The following ERBB4 variants were observed in gnomAD, a reference collection of about 807,000 sequenced individuals.
The protein encoded by ERBB4 is receptor tyrosine-protein kinase erbB-4.
A neutral mutation model predicts 158.0 loss-of-function variants in ERBB4; 42 were observed. The ratio of observed to expected loss-of-function variants is 0.27; its 90% CI spans 0.21 to 0.34. The LOEUF is 0.34. Ranked by LOEUF, ERBB4 falls within the 10% of genes least tolerant of loss-of-function variation. ERBB4 has a pLI of 1.00. For synonymous variants in ERBB4, 583 were observed against 558.7 expected, an observed-to-expected ratio of 1.04 and a Z score of -0.61; for missense variants, 1,333 against 1,624.1, an observed-to-expected ratio of 0.82 and a Z score of 3.08.
At chr2:211,878,820 A>C (rs2078585745) in intron 3 of ERBB4, among the ~76,000 whole-genome samples, 1 of 152,058 alleles carries the variant, frequency 6.6e-6, no homozygotes, top group Non-Finnish European at 1.5e-5. Context: ...AATTTTAAGT[A>C]GAAAAAAACA....
At chr2:211,989,832 A>T (rs562565604) in intron 2 of ERBB4, among the ~76,000 whole-genome samples, 25 of 152,116 alleles carry the variant, frequency 1.6e-4, no homozygotes, top group Non-Finnish European at 1.5e-5. Context: ...TCCTAACTCC[A>T]CCCATGTCTT....
chr2:212,335,487 A>G (rs2088390765), intron 1 of ERBB4, among the ~76,000 whole-genome samples: 1 of 151,994 alleles, frequency 6.6e-6, no homozygotes, highest in Admixed American at 6.6e-5. Flanking sequence ...CAAGTCATTC[A>G]GGAAGAGTGA....
Position 211,562,019 on chromosome 2 carries a change from T to G in ERBB4, c.2371A>C (p.Thr791Pro). The G allele has an allele frequency of 1.2e-6, 2 of 1,614,152 alleles. No individual in the cohort carries two copies. Among genetic ancestry groups the G allele is most frequent in the Non-Finnish European group, 1.7e-6 (2 of 1,180,028 alleles). Residue 791 changes from threonine to proline, a missense_variant, in exon 20 of 28, where the codon ACC (threonine) becomes CCC (proline). Around this residue, in one of 5 missense-constraint regions of ERBB4, gnomAD observed 314 missense variants for 437.6 expected, o/e 0.72. Coordinates refer to ENST00000342788, the MANE Select transcript of ERBB4 (RefSeq NM_005235.3). The part of the protein sequence containing the change: ...VRLLGVCLSP[T>P]IQLVTQLMPH... The stretch of plus-strand genomic sequence containing the variant: ...ATAAGTTGAGTAACCAGCTGGATGG[T>G]TGGGCTCAGACACACACCCAGCAAC...
chr2:212,417,524 T>C (rs2091685355), intron 1 of ERBB4, among the ~76,000 whole-genome samples: 1 of 152,022 alleles, frequency 6.6e-6, no homozygotes, highest in Non-Finnish European at 1.5e-5. Flanking sequence ...ACTAAAATTG[T>C]CTACTGACTC....
At chr2:211,738,853 C>T (rs2074697104) in intron 5 of ERBB4, among the ~76,000 whole-genome samples, 1 of 149,216 alleles carries the variant, frequency 6.7e-6, no homozygotes, top group African/African-American at 2.5e-5. Flanking sequence ...TTTTAGTAGA[C>T]AGGTCAAACT....
intron 19 of ERBB4, among the ~76,000 whole-genome samples, chr2:211,589,302 T>C (rs182408798): frequency 3.2e-4 from 48 of 152,300 alleles, no homozygotes; most frequent in African/African-American, 1.2e-3. Context: ...TATTTTTTAA[T>C]TAAAATGCAG....
intron 19 of ERBB4, among the ~76,000 whole-genome samples, chr2:211,580,539 A>G (rs2068036429): frequency 6.6e-6 from 1 of 151,812 alleles, no homozygotes; most frequent in Non-Finnish European, 1.5e-5. Flanking sequence ...GAACACTTCT[A>G]CACTGCTGGT....
At chr2:211,881,569 C>A (rs1359731989) in intron 3 of ERBB4, among the ~76,000 whole-genome samples, 3 of 138,646 alleles carry the variant, frequency 2.2e-5, no homozygotes, top group African/African-American at 8.5e-5. Context: ...AGTCAGAGAA[C>A]CTGCCTGCAT....
chr2:212,043,637 T>C (rs1226413217), intron 2 of ERBB4, among the ~76,000 whole-genome samples: 1 of 152,158 alleles, frequency 6.6e-6, no homozygotes, highest in African/African-American at 2.4e-5. Context: ...TTAAGATGCC[T>C]ACTATTTTCA....
chr2:212,422,500 A>AACAT (rs1553637153), intron 1 of ERBB4, among the ~76,000 whole-genome samples: 1 of 148,556 alleles, frequency 6.7e-6, no homozygotes, highest in African/African-American at 2.5e-5. Flanking sequence ...TTGGACTCAA[A>AACAT]ACACACACAC....
chr2:212,384,920 T>C (rs2062934), intron 1 of ERBB4, among the ~76,000 whole-genome samples: 3,411 of 123,676 alleles, frequency 0.028, 152 homozygotes, highest in African/African-American at 0.099. Flanking sequence ...TATATATATA[T>C]ACACACACAC....
At chr2:211,709,235 G>GTA (rs773229423) in intron 9 of ERBB4, among the ~76,000 whole-genome samples, 63 of 103,196 alleles carry the variant, frequency 6.1e-4, no homozygotes, top group African/African-American at 1.7e-3. Flanking sequence ...GCGTGTGTGT[G>GTA]TATATATATA....
At chr2:211,681,749 T>G (rs1206704705) in intron 12 of ERBB4, among the ~76,000 whole-genome samples, 1 of 152,208 alleles carries the variant, frequency 6.6e-6, no homozygotes, top group Admixed American at 6.5e-5. Flanking sequence ...TTATATATTC[T>G]GCAACTATTT....
chr2:212,524,684 C>A (rs762283791), intron 1 of ERBB4, among the ~76,000 whole-genome samples: 4 of 145,596 alleles, frequency 2.7e-5, no homozygotes, highest in African/African-American at 7.8e-5. Flanking sequence ...GTGTTTAAGT[C>A]ATTTTTTTTA....
intron 27 of ERBB4, among the ~76,000 whole-genome samples, chr2:211,386,429 G>A (rs1248672963): frequency 6.6e-6 from 1 of 152,048 alleles, no homozygotes; most frequent in Non-Finnish European, 1.5e-5. Flanking sequence ...TTTTATTAGT[G>A]CCATCAAAAG....
intron 1 of ERBB4, among the ~76,000 whole-genome samples, chr2:212,516,994 C>T (rs912629848): frequency 1.3e-5 from 2 of 152,102 alleles, no homozygotes; most frequent in South Asian, 4.1e-4. Context: ...TTAGTAAAGG[C>T]TTTAATTTCA....
chr2:212,064,794 G>T (rs1263723262), intron 2 of ERBB4, among the ~76,000 whole-genome samples: 2 of 151,882 alleles, frequency 1.3e-5, no homozygotes, highest in Non-Finnish European at 2.9e-5. Context: ...GAGAAAGGAG[G>T]ATAGCATAAA....
chr2:211,761,190 C>CAAAAAAAAAAA (rs58277006), intron 4 of ERBB4, among the ~76,000 whole-genome samples: 1 of 89,946 alleles, frequency 1.1e-5, no homozygotes, highest in Non-Finnish European at 2.3e-5. Flanking sequence ...TGAGATTCCT[C>CAAAAAAAAAAA]AAAAAAAAAA....
chr2:212,058,647 A>G (rs1559409971), intron 2 of ERBB4, among the ~76,000 whole-genome samples: 3 of 152,210 alleles, frequency 2.0e-5, no homozygotes. Context: ...TACGCAAATC[A>G]ATCAACGTAA....
Sources: gnomAD v4.1 joint callset for allele counts (sites outside exome capture counted in the v4.1 genomes callset) on GRCh38, gnomAD v4.1.1 for gene constraint, gnomAD v4.1.1 regional missense constraint, MANE v1.5 for transcripts, NCBI Gene and HGNC (gene_info 2026-07-23, HGNC 2026-07-21) for gene names.